GSTA4: variants seen among roughly 807,000 people sequenced by gnomAD.
GSTA4 encodes glutathione S-transferase alpha 4.
GSTA4 carries 15 observed loss-of-function variants against 24.4 expected under a neutral mutation model. That is an observed-to-expected ratio of 0.61 (90% CI 0.41 to 0.95). The LOEUF is 0.95. Among genes scored for constraint, GSTA4 ranks in the 40% least tolerant of loss-of-function variants. The pLI is 0.00. For missense variants in GSTA4, 244 were observed against 262.1 expected, an observed-to-expected ratio of 0.93 and a Z score of 0.48; for synonymous variants, 92 against 94.2, an observed-to-expected ratio of 0.98 and a Z score of 0.13.
chr6:52,991,748 A>ATTAATACC (rs1763665448), intron 2 of GSTA4, among the ~76,000 whole-genome samples: 1 of 148,774 alleles, frequency 6.7e-6, no homozygotes, highest in African/African-American at 2.5e-5. Flanking sequence ...GATCTTGGCT[A>ATTAATACC]TTAATACCTT....
intron 3 of GSTA4, among the ~76,000 whole-genome samples, chr6:52,986,736 G>A (rs528476052): frequency 3.3e-5 from 5 of 152,272 alleles, no homozygotes; most frequent in African/African-American, 4.8e-5. Context: ...CTGGAGAGCC[G>A]GTACCACACA....
chr6:52,985,238 T>C (rs1383343714), intron 4 of GSTA4, among the ~76,000 whole-genome samples: 3 of 152,238 alleles, frequency 2.0e-5, no homozygotes, highest in Non-Finnish European at 4.4e-5. Context: ...ACACCCTAGA[T>C]ATAATATTCA....
At chr6:52,986,265 C>T (rs1318184211) in intron 3 of GSTA4, among the ~76,000 whole-genome samples, 1 of 152,184 alleles carries the variant, frequency 6.6e-6, no homozygotes, top group Non-Finnish European at 1.5e-5. Flanking sequence ...AAAATTCAGT[C>T]CCTAAGTTGC....
chr6:52,987,546 A>T (rs1256581494), intron 2 of GSTA4, 138 bp from the exon 3 acceptor site: 1 of 582,982 alleles, frequency 1.7e-6, no homozygotes. Context: ...AGGCACAGAA[A>T]GACAAAGACT....
chr6:52,980,118 T>G (rs901396035), intron 6 of GSTA4, among the ~76,000 whole-genome samples: 3 of 152,216 alleles, frequency 2.0e-5, no homozygotes, highest in African/African-American at 7.2e-5. Flanking sequence ...GTTGTTATTA[T>G]AGTATCATCA....
At chr6:52,985,320 C>CT in intron 4 of GSTA4, 131 bp downstream of exon 4, 1 of 744,680 alleles carries the variant, frequency 1.3e-6, no homozygotes, top group Non-Finnish European at 2.1e-6. Context: ...TCGTGACCTT[C>CT]TTGGGTTTTT....
chr6:52,978,481 A>C lies in GSTA4; in HGVS notation c.658T>G (p.Phe220Val). 6.2e-7 allele frequency: 1 copy of C among 1,613,540 alleles called. No individual in the cohort carries two copies. The highest frequency in any genetic ancestry group is 8.5e-7 in the Non-Finnish European group (1 of 1,179,728). Residue 220 changes from phenylalanine (F) to valine (V), a missense_variant, in exon 7 of 7, where the codon TTT becomes GTT. Transcript: ENST00000370963. ...ATGGATGTGTTGTTTTATGGCCTAAAGATGTTGTAGACGGTTCTCACATAA... is the reference window on the plus strand; with the variant it reads ...ATGGATGTGTTGTTTTATGGCCTAACGATGTTGTAGACGGTTCTCACATAA... ...EIYVRTVYNI[F>V]RP
At chr6:52,985,920 A>G (rs45558931) in intron 3 of GSTA4, among the ~76,000 whole-genome samples, 7,063 of 152,170 alleles carry the variant, frequency 0.046, 227 homozygotes, top group Non-Finnish European at 0.067. Flanking sequence ...GTGTGGTAGC[A>G]GATGCCTGTT....
At chr6:52,982,070 G>A (rs573157782) in intron 6 of GSTA4, among the ~76,000 whole-genome samples, 1 of 152,342 alleles carries the variant, frequency 6.6e-6, no homozygotes, top group South Asian at 2.1e-4. Context: ...GAATGAGACT[G>A]TTTTGATGTT....
intron 6 of GSTA4, among the ~76,000 whole-genome samples, chr6:52,979,347 T>G (rs547378707): frequency 6.6e-6 from 1 of 152,250 alleles, no homozygotes; most frequent in African/African-American, 2.4e-5. Context: ...ATTTATATCT[T>G]AAGATTCAGC....
At chr6:52,994,289 C>A (rs762175184) in intron 1 of GSTA4, 28 bp from the exon 2 acceptor site, 1 of 1,244,048 alleles carries the variant, frequency 8.0e-7, no homozygotes, top group South Asian at 1.2e-5. Context: ...CAGCTCGTCG[C>A]AGACCAACAG....
intron 2 of GSTA4, 34 bp downstream of exon 2, chr6:52,994,123 T>G (rs1581916835): frequency 7.2e-7 from 1 of 1,381,390 alleles, no homozygotes; most frequent in Non-Finnish European, 1.0e-6. Context: ...AAAAGCTGTA[T>G]GACAAATCCG....
At position 52,982,708 on chromosome 6, in the gene GSTA4, G is replaced by A. The variant is rs2127384072; in HGVS notation, c.415-3C>T. Reference sequence around the variant, plus strand: ...CTTTGTCCGTGACCCCTTAAAATCTGTAGGGAAATGGTGTGCATCAGTTAC... The same window carrying A: ...CTTTGTCCGTGACCCCTTAAAATCTATAGGGAAATGGTGTGCATCAGTTAC... On this transcript the variant is annotated splice_polypyrimidine_tract_variant and splice_region_variant and intron_variant, in intron 5 of 6. Transcript: ENST00000370963. 1 of 1,608,752 alleles carries A rather than the reference G, an allele frequency of 6.2e-7. No individual in the cohort carries two copies. Among genetic ancestry groups the A allele is most frequent in the Middle Eastern group, 1.7e-4 (1 of 6,054 alleles).
intron 6 of GSTA4, 69 bp downstream of exon 6, chr6:52,982,505 C>A: frequency 6.6e-6 from 8 of 1,205,962 alleles, no homozygotes; most frequent in Non-Finnish European, 9.5e-6. Context: ...CCAAAGCCAA[C>A]CAAACAATAG....
chr6:52,983,814 GA>G (rs1267201576), intron 5 of GSTA4, among the ~76,000 whole-genome samples: 1 of 152,138 alleles, frequency 6.6e-6, no homozygotes, highest in Non-Finnish European at 1.5e-5. Flanking sequence ...AGAAACCCCA[GA>G]AAATACCTCT....
chr6:52,982,426 C>G (rs536818268), intron 6 of GSTA4, 148 bp downstream of exon 6: 1 of 548,236 alleles, frequency 1.8e-6, no homozygotes, highest in African/African-American at 2.0e-5. Flanking sequence ...AACTTTGGGT[C>G]CTTACTTTCA....
At chr6:52,992,169 A>C (rs1763673661) in intron 2 of GSTA4, among the ~76,000 whole-genome samples, 1 of 152,180 alleles carries the variant, frequency 6.6e-6, no homozygotes, top group Non-Finnish European at 1.5e-5. Flanking sequence ...TGAGAACAAA[A>C]AAGAGGCCAA....
chr6:52,984,376 A>C, intron 5 of GSTA4, 88 bp downstream of exon 5: 1 of 1,277,626 alleles, frequency 7.8e-7, no homozygotes, highest in Non-Finnish European at 1.1e-6. Context: ...CAGTTTTAAA[A>C]TCCTTGGACA....
chr6:52,993,543 G>A (rs1763703899), intron 2 of GSTA4, among the ~76,000 whole-genome samples: 1 of 152,152 alleles, frequency 6.6e-6, no homozygotes, highest in Admixed American at 6.5e-5. Flanking sequence ...AAAATGTTGA[G>A]GAACTCCCAG....
Sources: gnomAD v4.1 joint callset for allele counts (sites outside exome capture counted in the v4.1 genomes callset) on GRCh38, gnomAD v4.1.1 for gene constraint, MANE v1.5 for transcripts, NCBI Gene and HGNC (gene_info 2026-07-23, HGNC 2026-07-21) for gene names.